Variants in KCNJ3 observed in about 807,000 individuals in gnomAD.
The protein encoded by KCNJ3 is potassium inwardly rectifying channel subfamily J member 3, also known as G protein-activated inward rectifier potassium channel 1.
In KCNJ3, 4 loss-of-function variants were observed where a neutral mutation model predicts 39.2. The ratio of observed to expected loss-of-function variants is 0.10; its 90% CI spans 0.05 to 0.23. KCNJ3 has a LOEUF of 0.23. Among genes scored for constraint, KCNJ3 ranks in the 10% least tolerant of loss-of-function variants. The pLI, the probability that KCNJ3 is intolerant of heterozygous loss-of-function variation, is 1.00. For missense variants in KCNJ3, 276 were observed against 634.9 expected (o/e 0.43, Z 6.08); for synonymous variants, 230 against 237.4 (o/e 0.97, Z 0.29).
chr2:154,733,465 C>T (rs1180443063), intron 2 of KCNJ3, among the ~76,000 whole-genome samples: 1 of 151,958 alleles, frequency 6.6e-6, no homozygotes, highest in Non-Finnish European at 1.5e-5. Context: ...ATTTATCTTC[C>T]TGCATATTTT....
At chr2:154,731,407 A>ACT (rs1302681982) in intron 2 of KCNJ3, among the ~76,000 whole-genome samples, 1 of 152,046 alleles carries the variant, frequency 6.6e-6, no homozygotes, top group African/African-American at 2.4e-5. Context: ...TCATTTTTAC[A>ACT]CTTTGTACCC....
At chr2:154,790,192 A>G (rs1241317238) in intron 2 of KCNJ3, among the ~76,000 whole-genome samples, 1 of 152,118 alleles carries the variant, frequency 6.6e-6, no homozygotes, top group East Asian at 1.9e-4. Context: ...TGACCAGATT[A>G]TTCAACGTAA....
chr2:154,741,039 A>T (rs1366147601), intron 2 of KCNJ3, among the ~76,000 whole-genome samples: 1 of 152,022 alleles, frequency 6.6e-6, no homozygotes, highest in Non-Finnish European at 1.5e-5. Context: ...GAATCACTCT[A>T]TGTATAGTTT....
At chr2:154,766,101 A>C (rs2105192365) in intron 2 of KCNJ3, among the ~76,000 whole-genome samples, 1 of 152,334 alleles carries the variant, frequency 6.6e-6, no homozygotes. Context: ...ATAAATAATT[A>C]GTAGGTTGCT....
intron 2 of KCNJ3, among the ~76,000 whole-genome samples, chr2:154,818,210 T>C (rs1036051714): frequency 4.6e-5 from 7 of 152,210 alleles, no homozygotes; most frequent in Non-Finnish European, 7.3e-5. Context: ...ATATGTAACC[T>C]TGGACTCCTC....
chr2:154,765,119 A>T (rs1481230836), intron 2 of KCNJ3, among the ~76,000 whole-genome samples: 3 of 152,144 alleles, frequency 2.0e-5, no homozygotes, highest in African/African-American at 7.2e-5. Flanking sequence ...TCTTGCCTCT[A>T]CCCACCATAG....
At chr2:154,841,028 G>T (rs1344365584) in intron 2 of KCNJ3, among the ~76,000 whole-genome samples, 2 of 152,134 alleles carry the variant, frequency 1.3e-5, no homozygotes. Context: ...CAAAGGGAAT[G>T]CTTCCAGTTT....
chr2:154,726,463 G>C (rs971551123), intron 2 of KCNJ3, among the ~76,000 whole-genome samples: 1 of 152,014 alleles, frequency 6.6e-6, no homozygotes, highest in African/African-American at 2.4e-5. Context: ...AAAAATAATA[G>C]ATGTTAGTGT....
chr2:154,831,701 A>G (rs1421877553), intron 2 of KCNJ3, among the ~76,000 whole-genome samples: 1 of 152,190 alleles, frequency 6.6e-6, no homozygotes, highest in Admixed American at 6.5e-5. Context: ...CAACGATACC[A>G]CCAAGGTACT....
chr2:154,702,485 C>T (rs1453084519), intron 1 of KCNJ3, among the ~76,000 whole-genome samples: 3 of 151,792 alleles, frequency 2.0e-5, no homozygotes, highest in Admixed American at 6.6e-5. Flanking sequence ...TGAAATTTCT[C>T]ATGTATAATA....
intron 2 of KCNJ3, among the ~76,000 whole-genome samples, chr2:154,803,393 C>T (rs1007659381): frequency 1.3e-5 from 2 of 151,790 alleles, no homozygotes; most frequent in African/African-American, 4.8e-5. Context: ...AAACCTTGGA[C>T]TTTTATAATG....
intron 2 of KCNJ3, among the ~76,000 whole-genome samples, chr2:154,795,421 A>G (rs541404149): frequency 3.6e-4 from 55 of 152,082 alleles, no homozygotes; most frequent in African/African-American, 1.3e-3. Context: ...AAGGAAATCT[A>G]TGATGTTTAC....
At chr2:154,754,536 A>C (rs939989412) in intron 2 of KCNJ3, among the ~76,000 whole-genome samples, 2 of 152,168 alleles carry the variant, frequency 1.3e-5, no homozygotes, top group African/African-American at 4.8e-5. Context: ...TGGCCTCCCA[A>C]AGTGTTGGGA....
chr2:154,754,538 G>A (rs181556932), intron 2 of KCNJ3, among the ~76,000 whole-genome samples: 41 of 152,346 alleles, frequency 2.7e-4, no homozygotes, highest in Middle Eastern at 3.4e-3. Context: ...GCCTCCCAAA[G>A]TGTTGGGATT....
At chr2:154,782,708 G>A (rs1267078758) in intron 2 of KCNJ3, among the ~76,000 whole-genome samples, 1 of 152,088 alleles carries the variant, frequency 6.6e-6, no homozygotes, top group Non-Finnish European at 1.5e-5. Context: ...AGAGTGATAT[G>A]GTTTTCTCAC....
At chr2:154,717,053 C>T (rs924783988) in intron 2 of KCNJ3, among the ~76,000 whole-genome samples, 3 of 152,170 alleles carry the variant, frequency 2.0e-5, no homozygotes, top group African/African-American at 7.2e-5. Flanking sequence ...GGAGTGGTCC[C>T]TAATGGATTT....
At chr2:154,711,926 C>T (rs1183125712) in intron 2 of KCNJ3, among the ~76,000 whole-genome samples, 1 of 152,112 alleles carries the variant, frequency 6.6e-6, no homozygotes, top group Non-Finnish European at 1.5e-5. Flanking sequence ...ATACTTTCCA[C>T]AGAAAATGTG....
At chr2:154,716,192 G>T (rs1685175966) in intron 2 of KCNJ3, among the ~76,000 whole-genome samples, 2 of 151,538 alleles carry the variant, frequency 1.3e-5, no homozygotes, top group South Asian at 4.2e-4. Flanking sequence ...CGCCTCCTGG[G>T]TTCATGCCGT....
chr2:154,738,459 G>T (rs1310564049), intron 2 of KCNJ3, among the ~76,000 whole-genome samples: 1 of 151,954 alleles, frequency 6.6e-6, no homozygotes, highest in African/African-American at 2.4e-5. Context: ...TGCCCAAGGG[G>T]ATGGATACCC....
Sources: gnomAD v4.1 joint callset for allele counts (sites outside exome capture counted in the v4.1 genomes callset) on GRCh38, gnomAD v4.1.1 for gene constraint, MANE v1.5 for transcripts, NCBI Gene and HGNC (gene_info 2026-07-23, HGNC 2026-07-21) for gene names.